Variants in SLC34A1 observed in about 807,000 individuals in gnomAD.
SLC34A1 encodes the protein sodium-dependent phosphate transport protein 2A.
In SLC34A1, 57 loss-of-function variants were observed where a neutral mutation model predicts 51.4. The ratio of observed to expected loss-of-function variants is 1.11; its 90% confidence interval spans 0.90 to 1.38. The LOEUF is 1.38. Ranked by LOEUF, SLC34A1 falls within the 40% of genes most tolerant of loss-of-function variation. The pLI, the probability that SLC34A1 is intolerant of heterozygous loss-of-function variation, is 0.00. For synonymous variants in SLC34A1, 368 were observed against 358.0 expected (o/e 1.03, Z -0.32); for missense variants, 796 against 835.6 (o/e 0.95, Z 0.58).
chr5:177,386,668 T>C lies in SLC34A1; in HGVS notation c.532+102T>C. 7.3e-7 allele frequency: 1 copy of C among 1,360,850 alleles called. No individual in the cohort carries two copies. The highest frequency in any genetic ancestry group is 1.0e-6 in the Non-Finnish European group (1 of 963,960). The allele number at this position is 1,360,850 out of a possible 1,614,324, so 84.3% of individuals were successfully genotyped here. On this transcript the variant is annotated intron_variant, in intron 5 of 12. Coordinates refer to ENST00000324417, the MANE Select transcript of SLC34A1 (RefSeq NM_003052.5). The surrounding 1 kb of genome is among the most constrained non-coding windows in gnomAD (Gnocchi z 4.8). ...TGACCCCAGTAAGGCTGGCCTCCAT[T>C]CAGCTTGACTCCTGTATCAGCCAGG...
rs577269046 is a variant in SLC34A1, at chr5:177,394,408, G to A, written c.1174+213G>A. Among the ~76,000 whole-genome samples, 3 of 152,346 alleles carry A rather than the reference G, an allele frequency of 2.0e-5. No homozygotes were observed. The East Asian group carries it at 5.8e-4, about 29-fold the overall frequency. On this transcript the variant is annotated intron_variant, in intron 10 of 12. Coordinates refer to ENST00000324417, the MANE Select transcript of SLC34A1 (RefSeq NM_003052.5). ...CTGTGGTTCCATTTTAGCAGGTGGA[G>A]ATGCTCAAGGACCATTGTTTGATTC...
Position 177,394,050 on chromosome 5 carries a change from T to C in SLC34A1, c.1029T>C (p.Thr343=), listed in dbSNP as rs759029010. The change falls in exon 10 of 13, where the codon ACT becomes ACC. Residue 343 remains threonine, a synonymous_variant. Transcript: ENST00000324417. Reference sequence around the variant, plus strand: ...CAGGCAACCACATCTTTGTGGACACTGGCCTACCGGACCTGGCTGTGGGGC... The same window carrying C: ...CAGGCAACCACATCTTTGTGGACACCGGCCTACCGGACCTGGCTGTGGGGC... ...MEKCNHIFVD[T]GLPDLAVGLI... is the part of the protein sequence containing the mutation. The C allele has an allele frequency of 1.2e-6, 2 of 1,614,032 alleles. No homozygotes were observed. Among genetic ancestry groups the C allele is most frequent in the Non-Finnish European group, 1.7e-6 (2 of 1,180,036 alleles).
At position 177,396,937 on chromosome 5, in the gene SLC34A1, C is replaced by T. The variant is rs748299866; in HGVS notation, c.1292-13C>T. Reference sequence around the variant, plus strand: ...GACGCTGGGGGTCCCACTTCCTCTCCCTCTGTCCCCAGGTCTTGGTGTGAT... The same window carrying T: ...GACGCTGGGGGTCCCACTTCCTCTCTCTCTGTCCCCAGGTCTTGGTGTGAT... On this transcript the variant is annotated splice_polypyrimidine_tract_variant and intron_variant, in intron 11 of 12. Transcript: ENST00000324417. The surrounding 1 kb of genome is among the most constrained non-coding windows in gnomAD (Gnocchi z 4.0). 3.7e-6 allele frequency: 6 copies of T among 1,614,168 alleles called. No individual in the cohort carries two copies. The highest frequency in any genetic ancestry group is 3.3e-5 in the South Asian group (3 of 91,088).
In SLC34A1 at chr5:177,393,735, G is replaced by T. The variant is rs1357391672; in HGVS notation, c.978G>T (p.Gln326His). 1.2e-6 allele frequency: 2 copies of T among 1,614,094 alleles called. No individual in the cohort carries two copies. The highest frequency in any genetic ancestry group is 2.2e-5 in the South Asian group (2 of 91,078). ...CCAGAGCAGAGGCCAACTCCAGCCA[G>T]ACCCTTGGAAATGCCACCATGGAGA... is the stretch of plus-strand genomic sequence containing the variant. ...SMSRAEANSSQTLGNATMEKC... is the reference protein window; with the variant it reads ...SMSRAEANSSHTLGNATMEKC... Residue 326 changes from glutamine (Q) to histidine (H), a missense_variant, in exon 9 of 13, where the codon CAG (glutamine) becomes CAT (histidine). Physicochemically the swap from Gln to His is conservative, Grantham distance 24. Coordinates refer to ENST00000324417, the MANE Select transcript of SLC34A1 (RefSeq NM_003052.5).
rs1561635977 is a variant in SLC34A1, at chr5:177,397,872, G to C, written c.1506G>C (p.Lys502Asn). ...PCTRLPIRMA[K>N]ALGKRTAKYR... ...CACGCCTGCCCATCCGCATGGCCAA[G>C]GCGCTGGGGAAACGCACGGCCAAGT... Residue 502 changes from lysine (K) to asparagine (N), a missense_variant, in exon 13 of 13, where the codon AAG (lysine) becomes AAC (asparagine). Coordinates refer to ENST00000324417, the MANE Select transcript of SLC34A1 (RefSeq NM_003052.5). 1.2e-6 allele frequency: 2 copies of C among 1,613,890 alleles called. No individual in the cohort carries two copies. The highest frequency in any genetic ancestry group is 1.7e-6 in the Non-Finnish European group (2 of 1,180,020).
rs387907503 is a variant in SLC34A1, at chr5:177,398,278, C to T, written c.1912C>T (p.Arg638Cys). 32 of 1,599,336 alleles carry T rather than the reference C, an allele frequency of 2.0e-5. No homozygotes were observed. The highest frequency in any genetic ancestry group is 6.7e-5 in the East Asian group (3 of 44,896). Residue 638 changes from arginine (R) to cysteine (C), a missense_variant, in exon 13 of 13, where the codon CGC becomes TGC. Physicochemically the swap from Arg to Cys is radical, Grantham distance 180. Coordinates refer to ENST00000324417, the MANE Select transcript of SLC34A1 (RefSeq NM_003052.5). The surrounding 1 kb of genome is among the most constrained non-coding windows in gnomAD (Gnocchi z 4.7). The stretch of plus-strand genomic sequence containing the variant: ...ACTGCCTGCTCACCACAATGCCACC[C>T]GCCTCTAGGCTGTGGGCCCAGACTA... ...LALPAHHNAT[R>C]L is the part of the protein sequence containing the mutation.
chr5:177,389,923 C>T, intron 8 of SLC34A1: 1 of 1,423,546 alleles, frequency 7.0e-7, no homozygotes, highest in Non-Finnish European at 9.2e-7. Context: ...ACGCTTTCTG[C>T]AGGGCAGGGT....
intron 8 of SLC34A1, chr5:177,390,331 A>G (rs1762759031): frequency 5.1e-6 from 5 of 986,620 alleles, no homozygotes; most frequent in Non-Finnish European, 6.0e-6. Flanking sequence ...ATGTGGCCAC[A>G]CTGTGGACTG....
chr5:177,386,642 G>A lies in SLC34A1; in HGVS notation c.532+76G>A, dbSNP rs549939324. 3.3e-5 allele frequency: 51 copies of A among 1,544,264 alleles called. No homozygotes were observed. Among genetic ancestry groups the A allele is most frequent in the African/African-American group, 4.1e-5 (3 of 73,792 alleles). On this transcript the variant is annotated intron_variant, in intron 5 of 12. Transcript: ENST00000324417. This position sits in a 1 kb window ranked among gnomAD's most constrained non-coding sequence, Gnocchi z 4.8. ...CTGGGAAGGGTGGCAAATGGGGAGC[G>A]TGACCCCAGTAAGGCTGGCCTCCAT...
rs201109695 is a variant in SLC34A1, at chr5:177,387,855, A to C, written c.626A>C (p.Asp209Ala). Residue 209 changes from aspartate (D) to alanine (A), a missense_variant, in exon 6 of 13, where the codon GAC (aspartate) becomes GCC (alanine). Asp to Ala is a moderately radical substitution (Grantham distance 126, BLOSUM62 -2). Transcript: ENST00000324417. ...ATCGTGGCCCTGATGCAGGCGGGGG[A>C]CAGGACTGACTTCCGGCGGTGAGGG... ...NTIVALMQAG[D>A]RTDFRRAFAG... is the part of the protein sequence containing the mutation. 6.7e-5 allele frequency: 108 copies of C among 1,603,870 alleles called. No individual in the cohort carries two copies. The Admixed American group carries it at 1.8e-3, about 27-fold the overall frequency.
intron 12 of SLC34A1, chr5:177,397,544 G>A: frequency 1.7e-6 from 1 of 600,226 alleles, no homozygotes; most frequent in Non-Finnish European, 3.0e-6. Context: ...GGGTCAGTGG[G>A]GAAAATGTGG....
intron 10 of SLC34A1, 61 bp downstream of exon 10, chr5:177,394,256 G>A (rs1762892024): frequency 1.3e-6 from 2 of 1,536,794 alleles, no homozygotes; most frequent in African/African-American, 2.7e-5. Context: ...ATCCTGCTAA[G>A]TCCTGTGACT....
At chr5:177,387,194 C>A (rs1457038237) in intron 5 of SLC34A1, among the ~76,000 whole-genome samples, 5 of 151,380 alleles carry the variant, frequency 3.3e-5, no homozygotes, top group Non-Finnish European at 7.4e-5. Flanking sequence ...CACGGTGAAA[C>A]CCTGTCTCTA....
chr5:177,391,180 C>T (rs1000116306), intron 8 of SLC34A1, among the ~76,000 whole-genome samples: 3 of 152,190 alleles, frequency 2.0e-5, no homozygotes, highest in African/African-American at 7.2e-5. Flanking sequence ...TTTATCTAAG[C>T]TGGAGTTTCC....
At position 177,387,883 on chromosome 5, in the gene SLC34A1, GC is replaced by G; in HGVS notation, c.644+11del. 1.2e-6 allele frequency: 2 copies of G among 1,607,808 alleles called. No homozygotes were observed. The highest frequency in any genetic ancestry group is 1.1e-5 in the South Asian group (1 of 90,888). On this transcript the variant is annotated intron_variant, in intron 6 of 12. Transcript: ENST00000324417. ...GGACTGACTTCCGGCGGTGAGGGGG[GC>G]TGGGGGTTGGGGGCTCGTGCCTGGG...
At position 177,386,163 on chromosome 5, in the gene SLC34A1, G is replaced by C. The variant is rs1561626347; in HGVS notation, c.259+27G>C. On this transcript the variant is annotated intron_variant, in intron 3 of 12. Coordinates refer to ENST00000324417, the MANE Select transcript of SLC34A1 (RefSeq NM_003052.5). This position sits in a 1 kb window ranked among gnomAD's most constrained non-coding sequence, Gnocchi z 4.8. The stretch of plus-strand genomic sequence containing the variant: ...TGGGCCTGGGCTGGGGGTGGCAGAG[G>C]CGGCAGCAGTCCCTGCCCTGGCCTC... 1 of 1,613,474 alleles carries C rather than the reference G, an allele frequency of 6.2e-7. No homozygotes were observed. The highest frequency in any genetic ancestry group is 1.3e-5 in the African/African-American group (1 of 74,928).
chr5:177,386,867 G>A lies in SLC34A1; in HGVS notation c.532+301G>A, dbSNP rs1006102627. On this transcript the variant is annotated intron_variant, in intron 5 of 12. Transcript: ENST00000324417. This position sits in a 1 kb window ranked among gnomAD's most constrained non-coding sequence, Gnocchi z 4.8. Reference sequence around the variant, plus strand: ...GACACTGCAGTCCAGACAGGGCAGCGTTTCTCCTTTCTCAGGGAAGCCTCA... The same window carrying A: ...GACACTGCAGTCCAGACAGGGCAGCATTTCTCCTTTCTCAGGGAAGCCTCA... Among the ~76,000 whole-genome samples, 3 of 152,126 alleles carry A rather than the reference G, an allele frequency of 2.0e-5. No homozygotes were observed. The highest frequency in any genetic ancestry group is 2.1e-4 in the South Asian group (1 of 4,810).
chr5:177,393,862 A>G, intron 9 of SLC34A1, 99 bp downstream of exon 9: 2 of 1,501,376 alleles, frequency 1.3e-6, no homozygotes, highest in Non-Finnish European at 1.9e-6. Flanking sequence ...CAGCCCCAGG[A>G]AGCATGGCTG....
At chr5:177,385,522 G>A (rs1244939545) in intron 1 of SLC34A1, among the ~76,000 whole-genome samples, 173 bp from the exon 2 acceptor site, 1 of 151,918 alleles carries the variant, frequency 6.6e-6, no homozygotes, top group Admixed American at 6.5e-5. Flanking sequence ...ATGATGGAGG[G>A]TGTGGTTTGC....
Sources: allele counts gnomAD v4.1 joint callset (sites outside exome capture counted in the v4.1 genomes callset), GRCh38; gene constraint gnomAD v4.1.1; non-coding constraint Gnocchi (gnomAD v3.1); transcripts MANE v1.5; gene names NCBI Gene and HGNC (gene_info 2026-07-23, HGNC 2026-07-21).